ANKRD29: variants seen among roughly 807,000 people sequenced by gnomAD.
ANKRD29 encodes the protein ankyrin repeat domain-containing protein 29.
A neutral mutation model predicts 38.0 loss-of-function variants in ANKRD29; 32 were observed. That is an observed-to-expected ratio of 0.84 (90% CI 0.64 to 1.13). The LOEUF (loss-of-function observed/expected upper bound fraction) is 1.13. ANKRD29 is among the 50% of genes most tolerant of loss of function. The pLI, the probability that ANKRD29 is intolerant of heterozygous loss-of-function variation, is 0.00. For missense variants in ANKRD29, 357 were observed against 377.9 expected (o/e 0.94, Z 0.46); for synonymous variants, 135 against 152.4 (o/e 0.89, Z 0.84).
intron 9 of ANKRD29, among the ~76,000 whole-genome samples, chr18:23,602,038 CT>C (rs1276251199): frequency 6.8e-6 from 1 of 147,910 alleles, no homozygotes; most frequent in African/African-American, 2.5e-5. Context: ...GCACAGGTGT[CT>C]TTTTTTTTGT....
intron 9 of ANKRD29, among the ~76,000 whole-genome samples, chr18:23,605,675 C>G (rs371954028): frequency 6.6e-6 from 1 of 151,786 alleles, no homozygotes; most frequent in Admixed American, 6.6e-5. Context: ...TACAGGCATG[C>G]GCGACCATGC....
chr18:23,650,959 G>A (rs184478322), intron 1 of ANKRD29, among the ~76,000 whole-genome samples: 114 of 152,162 alleles, frequency 7.5e-4, no homozygotes, highest in African/African-American at 2.5e-3. Context: ...AAACATCTAC[G>A]CGACTCAAAA....
intron 8 of ANKRD29, among the ~76,000 whole-genome samples, chr18:23,616,003 C>T (rs1281180088): frequency 6.8e-6 from 1 of 147,726 alleles, no homozygotes; most frequent in Non-Finnish European, 1.5e-5. Flanking sequence ...CTACACATAC[C>T]GTATGTATGT....
chr18:23,652,181 T>A (rs1598537533), intron 1 of ANKRD29, among the ~76,000 whole-genome samples: 1 of 151,906 alleles, frequency 6.6e-6, no homozygotes, highest in African/African-American at 2.4e-5. Flanking sequence ...TTACTGGAGG[T>A]CAGGAATCTT....
At chr18:23,639,054 G>T in intron 3 of ANKRD29, 107 bp from the exon 4 acceptor site, 5 of 815,718 alleles carry the variant, frequency 6.1e-6, no homozygotes, top group Non-Finnish European at 9.2e-6. Context: ...AAAACTTCTA[G>T]CCTAGGAAGG....
intron 3 of ANKRD29, 108 bp from the exon 4 acceptor site, chr18:23,639,055 C>G: frequency 3.7e-6 from 3 of 811,922 alleles, no homozygotes; most frequent in Non-Finnish European, 5.5e-6. Context: ...AAACTTCTAG[C>G]CTAGGAAGGG....
intron 3 of ANKRD29, among the ~76,000 whole-genome samples, chr18:23,644,815 A>C (rs1469452604): frequency 6.6e-6 from 1 of 152,222 alleles, no homozygotes; most frequent in African/African-American, 2.4e-5. Context: ...ACGAGCCTCT[A>C]GCCTGAGCCT....
chr18:23,618,140 G>A (rs1457917741), intron 7 of ANKRD29, among the ~76,000 whole-genome samples: 1 of 152,198 alleles, frequency 6.6e-6, no homozygotes, highest in Non-Finnish European at 1.5e-5. Context: ...TTAGGCCATG[G>A]TTGGACCAAA....
At chr18:23,602,141 A>G (rs1334974071) in intron 9 of ANKRD29, among the ~76,000 whole-genome samples, 1 of 151,474 alleles carries the variant, frequency 6.6e-6, no homozygotes, top group Non-Finnish European at 1.5e-5. Flanking sequence ...GGTTCAAGCA[A>G]TTCTCCTGCC....
chr18:23,619,557 C>G lies in ANKRD29; in HGVS notation c.601G>C (p.Gly201Arg). ...SEVVRVMLLR[G>R]ADRDAARNDG... ...TTCCGCGCAGCGTCGCGGTCGGCTC[C>G]GCGCAGCAGCATCACCCGCACCACC... is the stretch of plus-strand genomic sequence containing the variant. Residue 201 changes from glycine (G) to arginine (R), a missense_variant, in exon 7 of 10, where the codon GGA becomes CGA. By Grantham distance (125) the Gly-to-Arg change is moderately radical (BLOSUM62 -2). Coordinates refer to ENST00000592179, the MANE Select transcript of ANKRD29 (RefSeq NM_173505.4). The G allele has an allele frequency of 1.3e-6, 2 of 1,596,712 alleles. No individual in the cohort carries two copies. The highest frequency in any genetic ancestry group is 1.7e-6 in the Non-Finnish European group (2 of 1,178,622).
Position 23,615,286 on chromosome 18 carries a change from G to A in ANKRD29, c.723+2446C>T, listed in dbSNP as rs563102908. 5.7e-4 allele frequency among the ~76,000 whole-genome samples: 86 copies of A among 151,814 alleles called. 1 individual carries two copies. Among genetic ancestry groups the A allele is most frequent in the African/African-American group, 1.9e-3 (79 of 41,384 alleles). The stretch of plus-strand genomic sequence containing the variant: ...AGCCTCCCAAAGTGCTGGATTATAG[G>A]GATAAATCACTGCACTCAGACTGTT... On this transcript the variant is annotated intron_variant, in intron 8 of 9. Coordinates refer to ENST00000592179, the MANE Select transcript of ANKRD29 (RefSeq NM_173505.4).
intron 5 of ANKRD29, among the ~76,000 whole-genome samples, chr18:23,633,595 G>T (rs903730511): frequency 1.3e-5 from 2 of 152,154 alleles, no homozygotes; most frequent in East Asian, 3.9e-4. Flanking sequence ...GTGGGGGACA[G>T]AGTCTCACTA....
In ANKRD29 at chr18:23,650,018, G is replaced by A. The variant is rs1425328765; in HGVS notation, c.22-825C>T. On this transcript the variant is annotated intron_variant, in intron 1 of 9. Transcript: ENST00000592179. ...GCTGGGATTACAGGTGTGAGCCACC[G>A]TGCCCGGCCCCTCCATCTAATTTTC... 3.3e-5 allele frequency among the ~76,000 whole-genome samples: 5 copies of A among 152,062 alleles called. No individual in the cohort carries two copies. The East Asian group carries it at 5.8e-4, about 18-fold the overall frequency.
At chr18:23,647,413 G>C (rs1375320039) in intron 2 of ANKRD29, 1 of 152,214 alleles carries the variant, frequency 6.6e-6, no homozygotes, top group Non-Finnish European at 1.5e-5. Context: ...GTTGACTTCT[G>C]TCAATGGCCA....
rs2059483219 is a variant in ANKRD29 at position 23,598,985 on chromosome 18, A to G, written c.*2241T>C. On this transcript the variant is annotated 3_prime_UTR_variant, in exon 10 of 10. Coordinates refer to ENST00000592179, the MANE Select transcript of ANKRD29 (RefSeq NM_173505.4). ...TATAACATGGAATATGTCATCAAAGAATGAATTAATGAAAAACGTTTGTAG... is the reference window on the plus strand; with the variant it reads ...TATAACATGGAATATGTCATCAAAGGATGAATTAATGAAAAACGTTTGTAG... 6.6e-6 allele frequency: 1 copy of G among 152,242 alleles called. No individual in the cohort carries two copies. The highest frequency in any genetic ancestry group is 1.5e-5 in the Non-Finnish European group (1 of 68,036). The allele number at this position is 152,242 out of a possible 1,614,324, so 9.4% of individuals were successfully genotyped here. A position where few individuals can be genotyped will look rare whatever the true frequency, so the allele number is the denominator to read the frequency against.
intron 1 of ANKRD29, among the ~76,000 whole-genome samples, chr18:23,656,192 G>A (rs1049453377): frequency 1.9e-4 from 29 of 152,016 alleles, no homozygotes; most frequent in Admixed American, 1.6e-3. Flanking sequence ...TTTGCTGGAG[G>A]CAAAGTGGTA....
At chr18:23,623,448 T>C (rs754262791) in intron 6 of ANKRD29, among the ~76,000 whole-genome samples, 2 of 152,124 alleles carry the variant, frequency 1.3e-5, no homozygotes, top group African/African-American at 2.4e-5. Context: ...TTCTGTTTTC[T>C]CTTATTTTTT....
At chr18:23,612,893 A>G (rs1052503117) in intron 8 of ANKRD29, among the ~76,000 whole-genome samples, 2 of 152,054 alleles carry the variant, frequency 1.3e-5, no homozygotes, top group Non-Finnish European at 2.9e-5. Flanking sequence ...AACTAAGAAC[A>G]GTGGGCAGTC....
chr18:23,651,335 G>A (rs948896544), intron 1 of ANKRD29, among the ~76,000 whole-genome samples: 2 of 152,278 alleles, frequency 1.3e-5, no homozygotes, highest in African/African-American at 4.8e-5. Flanking sequence ...AGTTTTCAAG[G>A]CAAACTGCAA....
Sources: allele counts gnomAD v4.1 joint callset (sites outside exome capture counted in the v4.1 genomes callset), GRCh38; gene constraint gnomAD v4.1.1; transcripts MANE v1.5; gene names NCBI Gene and HGNC (gene_info 2026-07-23, HGNC 2026-07-21).